The following AOPEP variants were observed in gnomAD, a reference collection of about 807,000 sequenced individuals.
AOPEP encodes the protein aminopeptidase O (putative), also known as aminopeptidase O.
AOPEP carries 77 observed loss-of-function variants against 98.1 expected under a neutral mutation model. The observed-to-expected ratio is 0.78, with a 90% confidence interval of 0.65 to 0.95. The LOEUF is 0.95. Among genes scored for constraint, AOPEP ranks in the 40% least tolerant of loss-of-function variants. AOPEP has a pLI of 0.00. For synonymous variants in AOPEP, 346 were observed against 365.3 expected (o/e 0.95, Z 0.60); for missense variants, 1,024 against 1,024.7 (o/e 1.00, Z 0.01).
At chr9:95,001,415 A>G (rs1021815585) in intron 11 of AOPEP, among the ~76,000 whole-genome samples, 4 of 152,242 alleles carry the variant, frequency 2.6e-5, no homozygotes, top group Non-Finnish European at 5.9e-5. Flanking sequence ...GATAGAAAAC[A>G]TCTGTTTTAA....
intron 5 of AOPEP, among the ~76,000 whole-genome samples, chr9:94,874,804 G>A (rs559934419): frequency 1.3e-5 from 2 of 152,232 alleles, no homozygotes; most frequent in South Asian, 4.1e-4. Context: ...GTCCAGAAAG[G>A]CATTCAGAAG....
intron 7 of AOPEP, among the ~76,000 whole-genome samples, chr9:94,937,233 C>T (rs2056407806): frequency 6.6e-6 from 1 of 152,142 alleles, no homozygotes; most frequent in African/African-American, 2.4e-5. Flanking sequence ...CATACAAAGG[C>T]GTAATTGTGA....
chr9:94,985,116 TC>T (rs1441925103), intron 11 of AOPEP, among the ~76,000 whole-genome samples: 1 of 152,252 alleles, frequency 6.6e-6, no homozygotes, highest in African/African-American at 2.4e-5. Context: ...AGCCGCCAGT[TC>T]CTGGCAAAAT....
chr9:94,878,370 T>A (rs1406351511), intron 5 of AOPEP, among the ~76,000 whole-genome samples: 1 of 150,972 alleles, frequency 6.6e-6, no homozygotes, highest in Non-Finnish European at 1.5e-5. Context: ...GACCCAAGGT[T>A]ACAGGTGTGG....
chr9:94,912,426 G>A (rs1695397190), intron 5 of AOPEP, among the ~76,000 whole-genome samples: 1 of 152,076 alleles, frequency 6.6e-6, no homozygotes, highest in African/African-American at 2.4e-5. Context: ...CTGGAAAGAA[G>A]GAATGTGATA....
chr9:94,754,516 A>G (rs1836555539), intron 1 of AOPEP, among the ~76,000 whole-genome samples: 1 of 152,238 alleles, frequency 6.6e-6, no homozygotes. Context: ...AGAAGAAAAA[A>G]TGAGATGTCT....
At chr9:94,743,253 GGAAGAA>G (rs139005545) in intron 1 of AOPEP, among the ~76,000 whole-genome samples, 1 of 129,614 alleles carries the variant, frequency 7.7e-6, no homozygotes, top group Non-Finnish European at 1.7e-5. Context: ...AGGAAGAAGA[GGAAGAA>G]GAAGAAGAAG....
intron 5 of AOPEP, among the ~76,000 whole-genome samples, chr9:94,876,138 G>A (rs1032156927): frequency 2.6e-5 from 4 of 152,212 alleles, no homozygotes; most frequent in African/African-American, 9.6e-5. Flanking sequence ...TTCAGGGTCT[G>A]ATGGTGATTA....
chr9:94,734,426 G>C (rs563916957), intron 1 of AOPEP, among the ~76,000 whole-genome samples: 1 of 152,164 alleles, frequency 6.6e-6, no homozygotes, highest in African/African-American at 2.4e-5. Context: ...GCTTATACTT[G>C]GAGTTGCCAA....
intron 14 of AOPEP, among the ~76,000 whole-genome samples, chr9:95,077,950 T>C (rs1237905756): frequency 6.6e-6 from 1 of 152,198 alleles, no homozygotes; most frequent in African/African-American, 2.4e-5. Context: ...CCGCAGCATT[T>C]CTGTGATGTC....
At chr9:94,937,865 C>T (rs899910906) in intron 7 of AOPEP, among the ~76,000 whole-genome samples, 1 of 152,100 alleles carries the variant, frequency 6.6e-6, no homozygotes, top group Non-Finnish European at 1.5e-5. Flanking sequence ...TTTTGCCCTA[C>T]AAGAACAATT....
intron 5 of AOPEP, among the ~76,000 whole-genome samples, chr9:94,813,432 T>G (rs1175643464): frequency 1.3e-5 from 2 of 152,176 alleles, no homozygotes. Context: ...CAGATATGTC[T>G]CCTCTCACAA....
chr9:94,984,636 C>T (rs1329214246), intron 11 of AOPEP, among the ~76,000 whole-genome samples: 1 of 152,034 alleles, frequency 6.6e-6, no homozygotes, highest in Non-Finnish European at 1.5e-5. Context: ...AATGTATATA[C>T]CCAATAAAAT....
At position 94,851,441 on chromosome 9, in the gene AOPEP, A is replaced by G. The variant is rs73654298; in HGVS notation, c.1364+50439A>G. 6.6e-3 allele frequency among the ~76,000 whole-genome samples: 1,005 copies of G among 152,212 alleles called. 8 individuals are homozygous for G. Among genetic ancestry groups the G allele is most frequent in the African/African-American group, 0.023 (967 of 41,508 alleles). On this transcript the variant is annotated intron_variant, in intron 5 of 16. Transcript: ENST00000375315. Reference sequence around the variant, plus strand: ...ATGTGTCAGTATGCATAGGTAATTAAAATATTTTAAAGAATGAATGTATGT... The same window carrying G: ...ATGTGTCAGTATGCATAGGTAATTAGAATATTTTAAAGAATGAATGTATGT...
At chr9:94,969,071 C>T (rs1355940447) in intron 10 of AOPEP, among the ~76,000 whole-genome samples, 2 of 152,062 alleles carry the variant, frequency 1.3e-5, no homozygotes, top group Non-Finnish European at 2.9e-5. Context: ...GGATTTTAGC[C>T]CAAGCAGTCT....
At chr9:94,953,772 C>T (rs2058271318) in intron 7 of AOPEP, among the ~76,000 whole-genome samples, 1 of 152,168 alleles carries the variant, frequency 6.6e-6, no homozygotes, top group Admixed American at 6.5e-5. Flanking sequence ...CCTTCCTTCA[C>T]CTCAACACTC....
At chr9:94,875,357 A>AAAAAAAAAAAAAAAAAAAAAG (rs2046822573) in intron 5 of AOPEP, among the ~76,000 whole-genome samples, 1 of 147,456 alleles carries the variant, frequency 6.8e-6, no homozygotes, top group African/African-American at 2.6e-5. Context: ...GAAAAAAAAA[A>AAAAAAAAAAAAAAAAAAAAAG]AAAAAAAAAA....
chr9:94,761,914 A>G (rs1031319986), intron 2 of AOPEP, among the ~76,000 whole-genome samples: 3 of 152,170 alleles, frequency 2.0e-5, no homozygotes, highest in Non-Finnish European at 4.4e-5. Flanking sequence ...TCAATACAAT[A>G]TAACAATATA....
At chr9:94,940,243 A>G (rs1441238839) in intron 7 of AOPEP, among the ~76,000 whole-genome samples, 1 of 152,246 alleles carries the variant, frequency 6.6e-6, no homozygotes, top group South Asian at 2.1e-4. Flanking sequence ...CAATGAATAC[A>G]TGCAATCCAT....
Sources: allele counts gnomAD v4.1 joint callset (sites outside exome capture counted in the v4.1 genomes callset), GRCh38; gene constraint gnomAD v4.1.1; transcripts MANE v1.5; gene names NCBI Gene and HGNC (gene_info 2026-07-23, HGNC 2026-07-21).